Variants in TRIM37 observed in about 807,000 individuals in gnomAD.
TRIM37 encodes the protein E3 ubiquitin-protein ligase TRIM37.
A neutral mutation model predicts 129.8 loss-of-function variants in TRIM37; 80 were observed. That is an observed-to-expected ratio of 0.62 (90% CI 0.51 to 0.74). The LOEUF is 0.74. Among genes scored for constraint, TRIM37 ranks in the 30% least tolerant of loss-of-function variants. TRIM37 has a pLI of 0.00. For synonymous variants in TRIM37, 389 were observed against 387.1 expected (o/e 1.00, Z -0.06); for missense variants, 1,054 against 1,176.5 (o/e 0.90, Z 1.52).
rs747893666 is a variant in TRIM37, at chr17:59,057,024, C to T, written c.1050G>A (p.Gln350=). 1 of 1,613,734 alleles carries T rather than the reference C, an allele frequency of 6.2e-7. No homozygotes were observed. The highest frequency in any genetic ancestry group is 1.1e-5 in the South Asian group (1 of 91,078). ...KYEYRVEMVH[Q]SCNDPTKNII... is the part of the protein sequence containing the mutation. Reference sequence around the variant, plus strand: ...TATTTTTTGTAGGATCATTACAGGACTGGTGAACCATCTCTACACGATATT... The same window carrying T: ...TATTTTTTGTAGGATCATTACAGGATTGGTGAACCATCTCTACACGATATT... The change falls in exon 13 of 24, where the codon CAG becomes CAA. Residue 350 remains glutamine (Q), a synonymous_variant. Coordinates refer to ENST00000262294, the MANE Select transcript of TRIM37 (RefSeq NM_015294.6).
intron 19 of TRIM37, among the ~76,000 whole-genome samples, chr17:59,023,178 C>T (rs930854170): frequency 2.0e-5 from 3 of 152,086 alleles, no homozygotes; most frequent in African/African-American, 7.2e-5. Flanking sequence ...TGGGTTCAAG[C>T]GATTCTAGTG....
intron 23 of TRIM37, among the ~76,000 whole-genome samples, chr17:59,000,451 A>C (rs566509145): frequency 3.9e-5 from 6 of 152,252 alleles, no homozygotes; most frequent in African/African-American, 1.4e-4. Context: ...AATTACAAAA[A>C]CTAGCTGGAT....
At chr17:59,030,298 G>C (rs1052742687) in intron 18 of TRIM37, among the ~76,000 whole-genome samples, 14 of 152,202 alleles carry the variant, frequency 9.2e-5, no homozygotes, top group African/African-American at 3.4e-4. Context: ...GTAGAGACAG[G>C]GTTTCACCAT....
chr17:58,967,276 G>A, the TRIM37 span, among the ~76,000 whole-genome samples: 1 of 152,004 alleles, frequency 6.6e-6, no homozygotes, highest in Non-Finnish European at 1.5e-5. Flanking sequence ...TGTTTTGTTT[G>A]ACATAAATGT....
chr17:59,094,102 C>T (rs547496465), intron 2 of TRIM37, among the ~76,000 whole-genome samples: 1 of 152,246 alleles, frequency 6.6e-6, no homozygotes, highest in Non-Finnish European at 1.5e-5. Context: ...CCCACGTTGG[C>T]CAGGCTAGTC....
At chr17:58,990,115 G>T (rs1380213142) in intron 24 of TRIM37, among the ~76,000 whole-genome samples, 4 of 146,604 alleles carry the variant, frequency 2.7e-5, no homozygotes, top group Non-Finnish European at 6.0e-5. Flanking sequence ...GAGGGTTGAG[G>T]CTGCAGTAAG....
At chr17:59,083,739 T>C (rs545469150) in intron 5 of TRIM37, among the ~76,000 whole-genome samples, 1 of 152,342 alleles carries the variant, frequency 6.6e-6, no homozygotes, top group Non-Finnish European at 1.5e-5. Flanking sequence ...ACCTAGATCC[T>C]ACAACGAAAA....
chr17:59,101,671 A>ATAT (rs1407326100), intron 2 of TRIM37, among the ~76,000 whole-genome samples: 4 of 117,898 alleles, frequency 3.4e-5, no homozygotes, highest in Non-Finnish European at 6.7e-5. Flanking sequence ...AAAAAAAAAA[A>ATAT]AAAAAAATAT....
At position 59,079,786 on chromosome 17, in the gene TRIM37, G is replaced by C. The variant is rs768272469; in HGVS notation, c.584C>G (p.Thr195Arg). 1.2e-6 allele frequency: 2 copies of C among 1,614,028 alleles called. No individual in the cohort carries two copies. The highest frequency in any genetic ancestry group is 1.3e-5 in the African/African-American group (1 of 75,034). ...AVEMMIARLD[T>R]QLKNKLITLM... is the part of the protein sequence containing the mutation. The stretch of plus-strand genomic sequence containing the variant: ...TGTTATAAGCTTATTCTTCAGCTGT[G>C]TGTCTAACCGTGCAATCATCATCTC... Residue 195 changes from threonine to arginine, a missense_variant, in exon 7 of 24, where the codon ACA becomes AGA. Thr to Arg is a moderately conservative substitution (Grantham distance 71). This residue lies in a region of TRIM37 where 752 missense variants were observed against 870.8 expected (regional missense o/e 0.86). Transcript: ENST00000262294.
intron 3 of TRIM37, among the ~76,000 whole-genome samples, chr17:59,088,753 A>G (rs1039385548): frequency 2.6e-5 from 4 of 151,970 alleles, no homozygotes; most frequent in Non-Finnish European, 5.9e-5. Context: ...CCTGGCCTCC[A>G]GTGATCCTCC....
intron 22 of TRIM37, among the ~76,000 whole-genome samples, chr17:59,010,544 A>T (rs1424579722): frequency 6.6e-6 from 1 of 152,168 alleles, no homozygotes; most frequent in African/African-American, 2.4e-5. Context: ...TCCAGGCTGG[A>T]GTGCAGTGGC....
At chr17:59,070,566 T>G (rs1041461780) in intron 9 of TRIM37, among the ~76,000 whole-genome samples, 1 of 152,078 alleles carries the variant, frequency 6.6e-6, no homozygotes, top group Non-Finnish European at 1.5e-5. Context: ...CACTCCATTA[T>G]AAACAAGACC....
At chr17:58,982,958 G>A (rs377668933) in intron 24 of TRIM37, 5 of 1,552,734 alleles carry the variant, frequency 3.2e-6, no homozygotes, top group Non-Finnish European at 4.4e-6. Context: ...CAGACTATTG[G>A]TACACATTAT....
intron 5 of TRIM37, 84 bp downstream of exon 5, chr17:59,083,918 A>G: frequency 9.2e-7 from 1 of 1,091,070 alleles, no homozygotes; most frequent in South Asian, 1.3e-5. Context: ...ACGAGAGCAT[A>G]ATGACACTAT....
chr17:59,106,101 G>T (rs2045963102), intron 1 of TRIM37, among the ~76,000 whole-genome samples: 1 of 152,224 alleles, frequency 6.6e-6, no homozygotes, highest in Admixed American at 6.5e-5. Context: ...GAACTCGCAA[G>T]GACTGGTGGC....
chr17:59,007,872 C>T (rs2034743235), intron 22 of TRIM37, among the ~76,000 whole-genome samples: 1 of 152,226 alleles, frequency 6.6e-6, no homozygotes, highest in South Asian at 2.1e-4. Context: ...TCCAGACAAC[C>T]TTCTCTTTGA....
downstream of TRIM37, among the ~76,000 whole-genome samples, chr17:58,993,419 T>TGAACAGTGGTATATCC (rs2032649889): frequency 6.6e-6 from 1 of 152,212 alleles, no homozygotes; most frequent in South Asian, 2.1e-4. Flanking sequence ...GGCAAATGAA[T>TGAACAGTGGTATATCC]GAACAGTGGT....
At chr17:59,038,036 C>T (rs180758919) in intron 17 of TRIM37, among the ~76,000 whole-genome samples, 32 of 152,218 alleles carry the variant, frequency 2.1e-4, no homozygotes, top group Admixed American at 1.8e-3. Context: ...GTCAACATAT[C>T]AACATGACTT....
downstream of TRIM37, chr17:58,980,829 C>T (rs1434354422): frequency 6.2e-7 from 1 of 1,614,156 alleles, no homozygotes; most frequent in South Asian, 1.1e-5. This position sits in a 1 kb window ranked among gnomAD's most constrained non-coding sequence, Gnocchi z 4.7. Context: ...AAGTTTTATT[C>T]ATTTCTCTCT....
Sources: gnomAD v4.1 joint callset for allele counts (sites outside exome capture counted in the v4.1 genomes callset) on GRCh38, gnomAD v4.1.1 for gene constraint, gnomAD v4.1.1 regional missense constraint, Gnocchi (gnomAD v3.1) non-coding constraint, MANE v1.5 for transcripts, NCBI Gene and HGNC (gene_info 2026-07-23, HGNC 2026-07-21) for gene names.